The following VGLL4 variants were observed in gnomAD, a reference collection of about 807,000 sequenced individuals.
VGLL4 encodes transcription cofactor vestigial-like protein 4.
VGLL4 carries 7 observed loss-of-function variants against 21.0 expected under a neutral mutation model. The ratio of observed to expected loss-of-function variants is 0.33; its 90% CI spans 0.19 to 0.63. VGLL4 has a LOEUF of 0.63. Ranked by LOEUF, VGLL4 falls within the 20% of genes least tolerant of loss-of-function variation. The pLI is 0.78. For synonymous variants in VGLL4, 222 were observed against 173.2 expected (o/e 1.28, Z -2.21); for missense variants, 394 against 425.7 (o/e 0.93, Z 0.66).
intron 2 of VGLL4, among the ~76,000 whole-genome samples, chr3:11,579,105 A>T (rs947435173): frequency 6.6e-6 from 1 of 152,008 alleles, no homozygotes; most frequent in Admixed American, 6.6e-5. Flanking sequence ...CCTGAGAGCC[A>T]ATCATGTAGT....
At chr3:11,661,863 T>TAAAAGATA (rs1236526863) in intron 2 of VGLL4, among the ~76,000 whole-genome samples, 6 of 152,070 alleles carry the variant, frequency 3.9e-5, no homozygotes, top group African/African-American at 1.4e-4. Flanking sequence ...AAGGGGAGAT[T>TAAAAGATA]AAAAGATAGC....
At chr3:11,645,482 C>T (rs529969865), upstream of VGLL4, among the ~76,000 whole-genome samples, 144 of 132,026 alleles carry the variant, frequency 1.1e-3, 5 homozygotes, top group African/African-American at 3.9e-3. Flanking sequence ...CCCAGCTACT[C>T]GGGAGGCTGA....
rs1466719675 is a variant in VGLL4, at chr3:11,556,355, C to T, written c.*2201G>A. The T allele has an allele frequency of 1.3e-5, 2 of 152,764 alleles. No individual in the cohort carries two copies. Among genetic ancestry groups the T allele is most frequent in the Non-Finnish European group, 2.9e-5 (2 of 68,106 alleles). 9.5% of individuals were successfully genotyped at this position (152,764 alleles called of 1,614,324 possible). A position where few individuals can be genotyped will look rare whatever the true frequency, so the allele number is the denominator to read the frequency against. ...GCCCCCCTCCAGGGTACTGCCTATC[C>T]CAGATAGGTCAGTGCACCAGGGACC... On this transcript the variant is annotated 3_prime_UTR_variant, in exon 5 of 5. Coordinates refer to ENST00000430365, the MANE Select transcript of VGLL4 (RefSeq NM_001128219.3).
At position 11,575,519 on chromosome 3, in the gene VGLL4, G is replaced by GA. The variant is rs1575402649; in HGVS notation, c.273-10501_273-10500insT. 2.6e-5 allele frequency among the ~76,000 whole-genome samples: 4 copies of GA among 152,246 alleles called. No homozygotes were observed. In the East Asian group the frequency reaches 7.7e-4, roughly 29 times the overall value. Reference sequence around the variant, plus strand: ...CAAAGTGGGTCCCTCCTTTCCTTGGGCACAATCGGTCCTCAGATCTGTGCA... The same window carrying GA: ...CAAAGTGGGTCCCTCCTTTCCTTGGGACACAATCGGTCCTCAGATCTGTGCA... On this transcript the variant is annotated intron_variant, in intron 2 of 4. Coordinates refer to ENST00000430365, the MANE Select transcript of VGLL4 (RefSeq NM_001128219.3).
At chr3:11,573,158 T>G (rs2125176235) in intron 2 of VGLL4, among the ~76,000 whole-genome samples, 1 of 147,638 alleles carries the variant, frequency 6.8e-6, no homozygotes, top group South Asian at 2.2e-4. Context: ...AGGGCAAGAC[T>G]CCGTCTCAAG....
chr3:11,655,073 C>T (rs2075936275), intron 2 of VGLL4, among the ~76,000 whole-genome samples: 1 of 152,152 alleles, frequency 6.6e-6, no homozygotes, highest in Admixed American at 6.5e-5. Context: ...AACAGAAATC[C>T]ACCCACTATT....
At chr3:11,642,153 T>C (rs2075704346) in intron 1 of VGLL4, among the ~76,000 whole-genome samples, 1 of 152,156 alleles carries the variant, frequency 6.6e-6, no homozygotes, top group African/African-American at 2.4e-5. Context: ...AGAAGCAAGA[T>C]GTTACTTAAC....
At chr3:11,644,999 TG>T (rs145169451), upstream of VGLL4, among the ~76,000 whole-genome samples, 3,817 of 152,174 alleles carry the variant, frequency 0.025, 153 homozygotes, top group African/African-American at 0.088. Flanking sequence ...TTGGCATGTA[TG>T]TCACCCACCT....
chr3:11,626,115 AG>A (rs2075348074), intron 1 of VGLL4, among the ~76,000 whole-genome samples: 1 of 152,262 alleles, frequency 6.6e-6, no homozygotes, highest in Non-Finnish European at 1.5e-5. Context: ...AAGCTATAGC[AG>A]AAAGAGAGCC....
Position 11,558,514 on chromosome 3 carries a change from C to T in VGLL4, c.*42G>A, listed in dbSNP as rs771318836. On this transcript the variant is annotated 3_prime_UTR_variant, in exon 5 of 5. Transcript: ENST00000430365. ...AAGTACTGACTGTTCAAAGCTCAGGCAAACCATGCAGATCCACGTGTTGTT... is the reference window on the plus strand; with the variant it reads ...AAGTACTGACTGTTCAAAGCTCAGGTAAACCATGCAGATCCACGTGTTGTT... The T allele has an allele frequency of 7.0e-7, 1 of 1,433,062 alleles. No individual in the cohort carries two copies. 88.8% of individuals were successfully genotyped at this position (1,433,062 alleles called of 1,614,324 possible).
intron 2 of VGLL4, among the ~76,000 whole-genome samples, chr3:11,679,937 T>C (rs1473947054): frequency 1.3e-5 from 2 of 152,240 alleles, no homozygotes; most frequent in Non-Finnish European, 2.9e-5. Flanking sequence ...CGACTGTCCT[T>C]GGCCCTCCCA....
intron 1 of VGLL4, among the ~76,000 whole-genome samples, chr3:11,628,961 AATCTAT>A (rs1234181141): frequency 1.3e-5 from 2 of 152,264 alleles, no homozygotes; most frequent in African/African-American, 4.8e-5. Context: ...GCACTTCCAT[AATCTAT>A]TAAGACCTTT....
chr3:11,633,274 G>C (rs2075518435), intron 1 of VGLL4: 1 of 152,278 alleles, frequency 6.6e-6, no homozygotes, highest in African/African-American at 2.4e-5. Flanking sequence ...CCAGAAATTA[G>C]AGTAAGCCAG....
intron 1 of VGLL4, among the ~76,000 whole-genome samples, chr3:11,625,988 T>A (rs988659348): frequency 3.3e-5 from 5 of 152,184 alleles, no homozygotes; most frequent in African/African-American, 1.2e-4. Context: ...TACAACTCTG[T>A]GAATATATTA....
chr3:11,660,039 G>A (rs553008792), intron 2 of VGLL4, among the ~76,000 whole-genome samples: 17 of 151,994 alleles, frequency 1.1e-4, no homozygotes, highest in Non-Finnish European at 2.1e-4. Flanking sequence ...GTGGGCACCT[G>A]TAGTCCCAGC....
Position 11,586,738 on chromosome 3 carries a change from T to C in VGLL4, c.272+15095A>G, listed in dbSNP as rs544442830. ...GTATCCTCGAGGGTCTTGGAACCAATCTCCCAAGGATATCCAGGGACGGCT... is the reference window on the plus strand; with the variant it reads ...GTATCCTCGAGGGTCTTGGAACCAACCTCCCAAGGATATCCAGGGACGGCT... On this transcript the variant is annotated intron_variant, in intron 2 of 4. Transcript: ENST00000430365. 1.9e-4 allele frequency among the ~76,000 whole-genome samples: 29 copies of C among 152,286 alleles called. No individual in the cohort carries two copies. In the South Asian group the frequency reaches 5.8e-3, roughly 30 times the overall value.
chr3:11,590,004 T>C (rs567983048), intron 2 of VGLL4, among the ~76,000 whole-genome samples: 1 of 152,240 alleles, frequency 6.6e-6, no homozygotes, highest in African/African-American at 2.4e-5. Context: ...TTTGAGAAAC[T>C]CGGCTAAACA....
rs1435208686 is a variant in VGLL4 at position 11,719,544 on chromosome 3, C to T, written c.-14+850G>A. ...CGCAGACGCACAGGCGGGCTCGCGC[C>T]CGAGCCCCCGCACGGGCCCCCGCCA... On this transcript the variant is annotated intron_variant, in intron 1 of 5. Coordinates refer to the VGLL4 transcript ENST00000273038. The surrounding 1 kb of genome is among the most constrained non-coding windows in gnomAD (Gnocchi z 4.0). The T allele has an allele frequency of 1.3e-5, 2 of 150,492 alleles. No individual in the cohort carries two copies. Among genetic ancestry groups the T allele is most frequent in the African/African-American group, 2.4e-5 (1 of 41,312 alleles). 9.3% of individuals were successfully genotyped at this position (150,492 alleles called of 1,614,324 possible).
At chr3:11,579,987 G>C (rs11128555) in intron 2 of VGLL4, among the ~76,000 whole-genome samples, 31,870 of 152,046 alleles carry the variant, frequency 0.21, 3,815 homozygotes, top group South Asian at 0.31. Context: ...TGTTTATTCA[G>C]TTGACCTGAA....
Sources: allele counts gnomAD v4.1 joint callset (sites outside exome capture counted in the v4.1 genomes callset), GRCh38; gene constraint gnomAD v4.1.1; non-coding constraint Gnocchi (gnomAD v3.1); transcripts MANE v1.5; gene names NCBI Gene and HGNC (gene_info 2026-07-23, HGNC 2026-07-21).